MYO16: variants seen among roughly 807,000 people sequenced by gnomAD.
MYO16 encodes myosin XVI.
A neutral mutation model predicts 205.3 loss-of-function variants in MYO16; 94 were observed. The ratio of observed to expected loss-of-function variants is 0.46; its 90% CI spans 0.39 to 0.54. The LOEUF is 0.54. MYO16 is among the 20% of genes least tolerant of loss of function. The pLI, the probability that MYO16 is intolerant of heterozygous loss-of-function variation, is 0.00. For synonymous variants in MYO16, 988 were observed against 954.0 expected, an observed-to-expected ratio of 1.04 and a Z score of -0.66; for missense variants, 2,315 against 2,387.5, an observed-to-expected ratio of 0.97 and a Z score of 0.63.
At chr13:108,542,285 G>A in the MYO16 span, among the ~76,000 whole-genome samples, 10,877 of 152,000 alleles carry the variant, frequency 0.072, 723 homozygotes, top group African/African-American at 0.17. Flanking sequence ...GGGACAGAAA[G>A]GGGAACAGAA....
the MYO16 span, among the ~76,000 whole-genome samples, chr13:108,551,839 T>A: frequency 6.6e-6 from 1 of 152,188 alleles, no homozygotes; most frequent in Non-Finnish European, 1.5e-5. Context: ...TGGGAAATAA[T>A]CCTGAGGCAA....
At chr13:109,034,232 T>G (rs1886638701) in intron 23 of MYO16, among the ~76,000 whole-genome samples, 1 of 152,204 alleles carries the variant, frequency 6.6e-6, no homozygotes, top group South Asian at 2.1e-4. Context: ...TTTTAGTACA[T>G]TCCAAATTTT....
intron 2 of MYO16, among the ~76,000 whole-genome samples, chr13:108,693,404 C>T (rs1882974621): frequency 6.6e-6 from 1 of 152,166 alleles, no homozygotes; most frequent in Admixed American, 6.5e-5. Flanking sequence ...CCCACTTCCT[C>T]TAGCTTTTGA....
chr13:108,655,415 C>G (rs922673238), intron 1 of MYO16, among the ~76,000 whole-genome samples: 4 of 152,182 alleles, frequency 2.6e-5, no homozygotes, highest in Admixed American at 2.6e-4. Context: ...GAACCTCCAC[C>G]TATATTTGAG....
At chr13:108,790,633 G>A (rs1886589304) in intron 5 of MYO16, among the ~76,000 whole-genome samples, 1 of 152,080 alleles carries the variant, frequency 6.6e-6, no homozygotes, top group Non-Finnish European at 1.5e-5. Context: ...AACGAAGAGA[G>A]GGAGTTTCTG....
chr13:108,611,958 C>CTTTTTTTTTTTTCT (rs1879185596), intron 1 of MYO16, among the ~76,000 whole-genome samples: 5 of 101,914 alleles, frequency 4.9e-5, no homozygotes, highest in South Asian at 2.8e-4. Context: ...AGGTAATATT[C>CTTTTTTTTTTTTCT]TTTTTTTTTT....
intron 9 of MYO16, among the ~76,000 whole-genome samples, chr13:108,825,869 A>C (rs1046030907): frequency 5.3e-5 from 8 of 151,990 alleles, no homozygotes; most frequent in Admixed American, 5.2e-4. Context: ...AATAATTTAC[A>C]ACAACATAAG....
At chr13:108,550,199 CACAGCTGCT>C in the MYO16 span, among the ~76,000 whole-genome samples, 1 of 152,270 alleles carries the variant, frequency 6.6e-6, no homozygotes, top group African/African-American at 2.4e-5. Flanking sequence ...TGCTCTTCGA[CACAGCTGCT>C]GGGGGTGCTA....
rs551190427 is a variant in MYO16, at chr13:108,961,594, G to A, written c.2093G>A (p.Arg698Gln). Residue 698 changes from arginine to glutamine, a missense_variant, in exon 18 of 35, where the codon CGG (arginine) becomes CAG (glutamine). Around this residue, in one of 3 missense-constraint regions of MYO16, gnomAD observed 1,213 missense variants for 1,274.4 expected, o/e 0.95. Transcript: ENST00000457511. Reference sequence around the variant, plus strand: ...GCAATATTGCACCTTGGAGACATTCGGTTTACTGCCCTGAATGAGGGGAAC... The same window carrying A: ...GCAATATTGCACCTTGGAGACATTCAGTTTACTGCCCTGAATGAGGGGAAC... ...LAAILHLGDI[R>Q]FTALNEGNSA... 2.2e-5 allele frequency: 36 copies of A among 1,614,046 alleles called. No homozygotes were observed. The highest frequency in any genetic ancestry group is 4.4e-5 in the South Asian group (4 of 91,088).
chr13:108,705,261 T>C (rs1406082676), intron 2 of MYO16, among the ~76,000 whole-genome samples: 1 of 152,222 alleles, frequency 6.6e-6, no homozygotes, highest in Non-Finnish European at 1.5e-5. Context: ...ATCAACATCG[T>C]CTGCTCTTGT....
intron 4 of MYO16, among the ~76,000 whole-genome samples, chr13:108,781,122 C>T (rs1035627953): frequency 6.6e-6 from 1 of 152,084 alleles, no homozygotes; most frequent in Non-Finnish European, 1.5e-5. Flanking sequence ...TCACCTGTGC[C>T]CAGGTGTTTC....
chr13:109,095,400 G>T (rs9521172), intron 27 of MYO16, among the ~76,000 whole-genome samples: 73,805 of 152,056 alleles, frequency 0.49, 18,109 homozygotes, highest in Middle Eastern at 0.54. Flanking sequence ...CTGGGGGAAC[G>T]TGTTTTAGCT....
chr13:109,197,742 G>A (rs1213939708), intron 34 of MYO16, among the ~76,000 whole-genome samples: 1 of 152,158 alleles, frequency 6.6e-6, no homozygotes, highest in Non-Finnish European at 1.5e-5. Flanking sequence ...GACATACAGT[G>A]TTACAAATAA....
intron 2 of MYO16, among the ~76,000 whole-genome samples, chr13:108,711,225 T>C (rs1414460976): frequency 6.6e-6 from 1 of 152,234 alleles, no homozygotes; most frequent in Non-Finnish European, 1.5e-5. Context: ...GATAACCCAG[T>C]TGGCAAATGA....
intron 32 of MYO16, among the ~76,000 whole-genome samples, chr13:109,148,273 G>C (rs895426611): frequency 2.0e-5 from 3 of 152,144 alleles, no homozygotes; most frequent in African/African-American, 7.2e-5. Flanking sequence ...CTAAGGATTT[G>C]TTGTGAATGT....
At chr13:108,946,027 T>C (rs1174572104) in intron 16 of MYO16, among the ~76,000 whole-genome samples, 1 of 152,174 alleles carries the variant, frequency 6.6e-6, no homozygotes, top group African/African-American at 2.4e-5. Flanking sequence ...AGACATGCCA[T>C]TTTTTGAAGA....
At chr13:108,543,656 A>G in the MYO16 span, among the ~76,000 whole-genome samples, 14 of 150,506 alleles carry the variant, frequency 9.3e-5, no homozygotes, top group African/African-American at 2.4e-4. Flanking sequence ...AAAAAAAAAA[A>G]AAAAAAAGAA....
chr13:108,869,731 TAAAAAAAAAAAAAAAAAAA>T lies in MYO16; in HGVS notation c.1425+3500_1425+3518del, dbSNP rs68025820. ...GGGCGACAGAGCGAGACTCCGTTTCTAAAAAAAAAAAAAAAAAAAAAAAAAAAAAGAAACCACACATAAA... is the reference window on the plus strand; with the variant it reads ...GGGCGACAGAGCGAGACTCCGTTTCTAAAAAAAAAAGAAACCACACATAAA... On this transcript the variant is annotated intron_variant, in intron 12 of 34. Transcript: ENST00000457511. 7.7e-3 allele frequency among the ~76,000 whole-genome samples: 519 copies of T among 67,054 alleles called. 10 individuals are homozygous for T. The highest frequency in any genetic ancestry group is 0.034 in the African/African-American group (491 of 14,422). The allele number at this position is 67,054 out of a possible 152,430, so 44.0% of individuals were successfully genotyped here.
intron 33 of MYO16, among the ~76,000 whole-genome samples, chr13:109,174,554 A>T (rs151058325): frequency 7.2e-5 from 11 of 152,238 alleles, no homozygotes; most frequent in Non-Finnish European, 1.5e-4. Context: ...TCAAGAGGGT[A>T]GTGGATTTAA....
Sources: gnomAD v4.1 joint callset for allele counts (sites outside exome capture counted in the v4.1 genomes callset) on GRCh38, gnomAD v4.1.1 for gene constraint, gnomAD v4.1.1 regional missense constraint, MANE v1.5 for transcripts, NCBI Gene and HGNC (gene_info 2026-07-23, HGNC 2026-07-21) for gene names.